TMPRSS9: variants seen among roughly 807,000 people sequenced by gnomAD.
The protein encoded by TMPRSS9 is transmembrane protease serine 9.
In TMPRSS9, 113 loss-of-function variants were observed where a neutral mutation model predicts 111.4. That is an observed-to-expected ratio of 1.01 (90% CI 0.87 to 1.19). The LOEUF (loss-of-function observed/expected upper bound fraction) is 1.19. Ranked by LOEUF, TMPRSS9 falls within the 50% of genes most tolerant of loss-of-function variation. The probability of loss-of-function intolerance (pLI) is 0.00; values close to 1 mark genes in which losing one functional copy is unlikely to be tolerated. For missense variants in TMPRSS9, 1,803 were observed against 1,513.1 expected (o/e 1.19, Z -3.18); for synonymous variants, 805 against 659.1 (o/e 1.22, Z -3.39).
At chr19:2,405,706 C>CTTT (rs10608410) in intron 7 of TMPRSS9, among the ~76,000 whole-genome samples, 161 bp downstream of exon 8, 3 of 135,846 alleles carry the variant, frequency 2.2e-5, no homozygotes, top group Non-Finnish European at 4.7e-5. Context: ...TGAGGGCATT[C>CTTT]TTTTTTTTTT....
At chr19:2,421,798 T>G (rs1599317913) in intron 13 of TMPRSS9, 56 bp from the exon 15 acceptor site, 1 of 1,525,918 alleles carries the variant, frequency 6.6e-7, no homozygotes. Flanking sequence ...GGTATGGCAG[T>G]GCTGGGAAGA....
intron 1 of TMPRSS9, among the ~76,000 whole-genome samples, chr19:2,395,566 G>T (rs1970688336): frequency 6.6e-6 from 1 of 152,146 alleles, no homozygotes; most frequent in Non-Finnish European, 1.5e-5. Context: ...ATCTGTACTA[G>T]CTGGGTATGG....
intron 4 of TMPRSS9, among the ~76,000 whole-genome samples, chr19:2,400,015 C>T (rs1970796877): frequency 1.3e-5 from 2 of 152,306 alleles, no homozygotes; most frequent in South Asian, 4.1e-4. Context: ...TAGGTGTGAG[C>T]CACGTGCCCA....
chr19:2,399,136 C>T (rs892364100), exon 4 of TMPRSS9: 30 of 1,612,904 alleles, frequency 1.9e-5, no homozygotes, highest in South Asian at 2.2e-5. Context: ...GGCAAGGCTG[C>T]GGGAGCACGG....
At chr19:2,397,015 G>C (rs993769793) in intron 2 of TMPRSS9, among the ~76,000 whole-genome samples, 1 of 151,918 alleles carries the variant, frequency 6.6e-6, no homozygotes, top group Non-Finnish European at 1.5e-5. Flanking sequence ...CCGCTGCTCA[G>C]GTTCAAGCGA....
chr19:2,391,395 A>ATTTTTTTTTTT (rs1568175757), intron 1 of TMPRSS9, among the ~76,000 whole-genome samples: 1 of 145,424 alleles, frequency 6.9e-6, no homozygotes. Flanking sequence ...TTTTTAAAAA[A>ATTTTTTTTTTT]TATTTGTGGA....
chr19:2,396,610 T>C (rs1374835291), exon 2 of TMPRSS9: 1 of 1,602,746 alleles, frequency 6.2e-7, no homozygotes. Flanking sequence ...GACCAGCAGT[T>C]TGCGGCGGGA....
chr19:2,397,813 G>T (rs1176699281), intron 2 of TMPRSS9, among the ~76,000 whole-genome samples: 1 of 150,974 alleles, frequency 6.6e-6, no homozygotes, highest in South Asian at 2.1e-4. Context: ...TCAGCTACTC[G>T]GGAGGCTGAG....
intron 14 of TMPRSS9, among the ~76,000 whole-genome samples, chr19:2,422,950 G>A (rs1971499542): frequency 6.6e-6 from 1 of 151,970 alleles, no homozygotes; most frequent in South Asian, 2.1e-4. Flanking sequence ...CCAGCTACTG[G>A]GGAGGCTGAG....
rs532404566 is a variant in TMPRSS9, at chr19:2,361,623, G to A, written c.-26+1263G>A. The stretch of plus-strand genomic sequence containing the variant: ...ACCGTGGCGTTATCCCCGCATGACC[G>A]GGAATGACCCACATTCTGGGAATTA... On this transcript the variant is annotated intron_variant, in intron 1 of 17. Transcript: ENST00000649857. Among the ~76,000 whole-genome samples the A allele has an allele frequency of 1.2e-3, 178 of 152,246 alleles. 1 individual carries two copies. Among genetic ancestry groups the A allele is most frequent in the African/African-American group, 3.8e-3 (158 of 41,528 alleles).
At chr19:2,397,127 G>A (rs1456590290) in intron 2 of TMPRSS9, among the ~76,000 whole-genome samples, 1 of 151,886 alleles carries the variant, frequency 6.6e-6, no homozygotes, top group Non-Finnish European at 1.5e-5. Flanking sequence ...CACCATGTAG[G>A]ACAGGATGGT....
In TMPRSS9 at chr19:2,403,225, G is replaced by A. The variant is rs779849602; in HGVS notation, c.670+30G>A. The A allele has an allele frequency of 2.6e-6, 4 of 1,561,646 alleles. No individual in the cohort carries two copies. The East Asian group carries it at 9.1e-5, about 36-fold the overall frequency. On this transcript the variant is annotated intron_variant, in intron 6 of 17. Coordinates refer to ENST00000648592, the Ensembl canonical transcript of TMPRSS9. ...GTCTGCCTGTCTGGCCTGGTCTCTGGGCCCCTTCCCTTTTCCAGGGTCAGC... is the reference window on the plus strand; with the variant it reads ...GTCTGCCTGTCTGGCCTGGTCTCTGAGCCCCTTCCCTTTTCCAGGGTCAGC...
At chr19:2,414,508 G>C (rs1971175856) in intron 10 of TMPRSS9, among the ~76,000 whole-genome samples, 1 of 152,052 alleles carries the variant, frequency 6.6e-6, no homozygotes, top group South Asian at 2.1e-4. Context: ...AAAATGCTGG[G>C]ATGACAGGTG....
chr19:2,379,615 C>CTCTTTCTTTCTTTCTATCTT (rs1970366254), intron 1 of TMPRSS9, among the ~76,000 whole-genome samples: 1 of 118,510 alleles, frequency 8.4e-6, no homozygotes, highest in African/African-American at 3.2e-5. Flanking sequence ...AACTTTCTTT[C>CTCTTTCTTTCTTTCTATCTT]TCTTTCTTTC....
intron 10 of TMPRSS9, 146 bp from the exon 12 acceptor site, chr19:2,415,524 A>C (rs1307641866): frequency 1.4e-6 from 1 of 731,894 alleles, no homozygotes; most frequent in African/African-American, 1.8e-5. Flanking sequence ...GGACACCTTG[A>C]AGCCTCCACG....
At chr19:2,383,348 C>T (rs1046113148) in intron 1 of TMPRSS9, among the ~76,000 whole-genome samples, 8 of 148,672 alleles carry the variant, frequency 5.4e-5, no homozygotes, top group African/African-American at 9.9e-5. Flanking sequence ...AGCTAGATTC[C>T]GTCAAAAAAA....
At chr19:2,402,830 C>T (rs1425735905) in intron 5 of TMPRSS9, among the ~76,000 whole-genome samples, 1 of 152,100 alleles carries the variant, frequency 6.6e-6, no homozygotes, top group Non-Finnish European at 1.5e-5. Context: ...ACTCAGGAGG[C>T]TGAGGCAGGA....
chr19:2,367,276 C>T (rs1425102237), intron 1 of TMPRSS9, among the ~76,000 whole-genome samples: 2 of 152,172 alleles, frequency 1.3e-5, no homozygotes, highest in Non-Finnish European at 1.5e-5. Context: ...CCTAACTCTT[C>T]GGTGCCTCCA....
chr19:2,424,713 C>T (rs1271932370), intron 15 of TMPRSS9, among the ~76,000 whole-genome samples: 1 of 152,168 alleles, frequency 6.6e-6, no homozygotes, highest in Non-Finnish European at 1.5e-5. Context: ...ACACCCAGCT[C>T]TGGGCTCTGC....
Sources: gnomAD v4.1 joint callset for allele counts (sites outside exome capture counted in the v4.1 genomes callset) on GRCh38, gnomAD v4.1.1 for gene constraint, MANE v1.5 for transcripts, NCBI Gene and HGNC (gene_info 2026-07-23, HGNC 2026-07-21) for gene names.